IL1R2: variants seen among roughly 807,000 people sequenced by gnomAD.
IL1R2 encodes the protein interleukin 1 receptor type 2, also known as interleukin-1 receptor type 2.
In IL1R2, 46 loss-of-function variants were observed where a neutral mutation model predicts 39.5. The observed-to-expected ratio is 1.16, with a 90% CI of 0.92 to 1.49. The LOEUF (loss-of-function observed/expected upper bound fraction) is 1.49, where lower values mean the gene tolerates loss of function less well. Among genes scored for constraint, IL1R2 ranks in the 40% most tolerant of loss-of-function variants. The pLI, the probability that IL1R2 is intolerant of heterozygous loss-of-function variation, is 0.00. For missense variants in IL1R2, 537 were observed against 502.0 expected (o/e 1.07, Z -0.67); for synonymous variants, 207 against 189.6 (o/e 1.09, Z -0.75).
At chr2:102,002,912 A>G (rs13004685) in intron 1 of IL1R2, among the ~76,000 whole-genome samples, 1 of 140,936 alleles carries the variant, frequency 7.1e-6, no homozygotes, top group Non-Finnish European at 1.5e-5. Flanking sequence ...GTCTAGGTCT[A>G]TGTCTACATG....
intron 6 of IL1R2, among the ~76,000 whole-genome samples, chr2:102,022,967 G>A (rs1677494438): frequency 1.3e-5 from 2 of 152,180 alleles, no homozygotes; most frequent in Admixed American, 6.5e-5. Context: ...TTTTCCAAAA[G>A]GAAAAAGCCA....
At position 102,022,179 on chromosome 2, in the gene IL1R2, T is replaced by C. The variant is rs773871026; in HGVS notation, c.689-8T>C. 3.7e-6 allele frequency: 6 copies of C among 1,610,486 alleles called. No homozygotes were observed. Among genetic ancestry groups the C allele is most frequent in the Non-Finnish European group, 3.4e-6 (4 of 1,176,822 alleles). On this transcript the variant is annotated splice_region_variant and splice_polypyrimidine_tract_variant and intron_variant, in intron 5 of 8. Coordinates refer to ENST00000332549, the MANE Select transcript of IL1R2 (RefSeq NM_004633.4). ...TAACGGAATCTCTTTTCCTTACATC[T>C]TTCTCAGAAAAAAAAGAAGAGACCA...
intron 7 of IL1R2, 88 bp downstream of exon 7, chr2:102,024,756 T>A (rs1031162220): frequency 1.4e-6 from 2 of 1,463,590 alleles, no homozygotes; most frequent in African/African-American, 2.8e-5. Context: ...ACATACCACA[T>A]TAAAAGTTAC....
In IL1R2 at chr2:102,024,689, T is replaced by C. The variant is rs202144194; in HGVS notation, c.887+21T>C. 1.2e-4 allele frequency: 188 copies of C among 1,613,916 alleles called. 1 individual carries two copies. The highest frequency in any genetic ancestry group is 1.6e-4 in the Non-Finnish European group (183 of 1,179,936). On this transcript the variant is annotated intron_variant, in intron 7 of 8. Transcript: ENST00000332549. ...CGCCAGTAAGTGGGCCAGGGTCTTC[T>C]GTTGAGAACTCTGTGGGTTTCGCTC...
chr2:101,999,452 G>A (rs546642313), intron 1 of IL1R2, among the ~76,000 whole-genome samples: 210 of 152,348 alleles, frequency 1.4e-3, no homozygotes, highest in Middle Eastern at 3.4e-3. Context: ...TGGCTCTGCC[G>A]TTGGTGGCCA....
At chr2:101,995,276 A>G (rs925228210) in intron 1 of IL1R2, among the ~76,000 whole-genome samples, 10 of 152,144 alleles carry the variant, frequency 6.6e-5, no homozygotes, top group African/African-American at 2.2e-4. Context: ...GTGGTCAGAG[A>G]CTTAAAGCAG....
chr2:102,009,892 G>A, intron 3 of IL1R2, 66 bp downstream of exon 3: 1 of 1,534,992 alleles, frequency 6.5e-7, no homozygotes, highest in Non-Finnish European at 8.9e-7. Flanking sequence ...AGGGTCTTCA[G>A]TCATGATCCG....
chr2:102,019,495 C>A, intron 4 of IL1R2, 143 bp from the exon 5 acceptor site: 1 of 623,922 alleles, frequency 1.6e-6, no homozygotes, highest in Non-Finnish European at 2.8e-6. Context: ...CAAACGTATG[C>A]CCAAAGTACA....
intron 1 of IL1R2, among the ~76,000 whole-genome samples, chr2:102,003,243 TGTGTCTGTGTCG>T (rs1405875177): frequency 4.6e-5 from 7 of 151,856 alleles, no homozygotes; most frequent in African/African-American, 1.5e-4. Context: ...TGGCTGTGTC[TGTGTCTGTGTCG>T]GTGTCTGTGT....
intron 5 of IL1R2, among the ~76,000 whole-genome samples, chr2:102,020,558 TAA>T (rs1275466799): frequency 1.3e-5 from 2 of 152,226 alleles, no homozygotes; most frequent in African/African-American, 4.8e-5. Context: ...AGAGACACGC[TAA>T]GTTTAAATAA....
intron 1 of IL1R2, among the ~76,000 whole-genome samples, chr2:102,002,782 A>G (rs62650659): frequency 3.4e-5 from 5 of 146,742 alleles, no homozygotes; most frequent in Admixed American, 6.8e-5. Flanking sequence ...CTATATCTAT[A>G]TCTATATCTG....
intron 6 of IL1R2, among the ~76,000 whole-genome samples, chr2:102,023,041 A>C (rs887358661): frequency 2.6e-5 from 4 of 152,240 alleles, no homozygotes; most frequent in African/African-American, 9.6e-5. Context: ...GCTGGAGTTC[A>C]GATTCAGGTC....
intron 3 of IL1R2, among the ~76,000 whole-genome samples, chr2:102,013,524 C>CAAAAAAAAAAAAAAAA (rs771727938): frequency 1.8e-4 from 1 of 5,690 alleles, no homozygotes; most frequent in Non-Finnish European, 3.0e-4. Context: ...TCTATCACTG[C>CAAAAAAAAAAAAAAAA]AAAAAAAAAA....
intron 1 of IL1R2, among the ~76,000 whole-genome samples, chr2:101,996,450 C>T (rs1387143067): frequency 1.4e-5 from 2 of 147,770 alleles, no homozygotes; most frequent in East Asian, 4.0e-4. Flanking sequence ...GATTTTCCCA[C>T]ACAGTAGAGA....
intron 1 of IL1R2, among the ~76,000 whole-genome samples, chr2:102,007,052 T>C (rs1292911982): frequency 6.6e-6 from 1 of 152,144 alleles, no homozygotes; most frequent in African/African-American, 2.4e-5. Context: ...TTAACCAACT[T>C]CCATCTTGCC....
chr2:102,000,043 G>A (rs929837157), intron 1 of IL1R2, among the ~76,000 whole-genome samples: 5 of 152,170 alleles, frequency 3.3e-5, no homozygotes, highest in Admixed American at 6.5e-5. Context: ...GAGTTCTCAG[G>A]CTGGGCTGTG....
chr2:102,006,224 C>T (rs533727887), intron 1 of IL1R2, among the ~76,000 whole-genome samples: 2 of 152,224 alleles, frequency 1.3e-5, no homozygotes, highest in East Asian at 1.9e-4. Flanking sequence ...TAAGCTAATG[C>T]GTGTCCAAGG....
chr2:102,014,242 A>G (rs904956505), intron 3 of IL1R2, among the ~76,000 whole-genome samples: 2 of 152,234 alleles, frequency 1.3e-5, no homozygotes, highest in African/African-American at 4.8e-5. Context: ...GTAGCTGTAC[A>G]GCCCACTTAA....
chr2:102,011,042 C>T (rs1559419515), intron 3 of IL1R2, among the ~76,000 whole-genome samples: 1 of 152,302 alleles, frequency 6.6e-6, no homozygotes, highest in African/African-American at 2.4e-5. Context: ...TTTCAAGGTT[C>T]GTTCATGTTG....
Sources: allele counts gnomAD v4.1 joint callset (sites outside exome capture counted in the v4.1 genomes callset), GRCh38; gene constraint gnomAD v4.1.1; transcripts MANE v1.5; gene names NCBI Gene and HGNC (gene_info 2026-07-23, HGNC 2026-07-21).